The following CACNG2 variants were observed in gnomAD, a reference collection of about 807,000 sequenced individuals.
CACNG2 encodes voltage-dependent calcium channel gamma-2 subunit.
Under a neutral mutation model 25.9 loss-of-function variants are expected in CACNG2, and 3 were observed. That is an observed-to-expected ratio of 0.12 (90% CI 0.05 to 0.30). The LOEUF is 0.30. Among genes scored for constraint, CACNG2 ranks in the 10% least tolerant of loss-of-function variants. The pLI is 1.00. For missense variants in CACNG2, 341 were observed against 432.5 expected, an observed-to-expected ratio of 0.79 and a Z score of 1.88; for synonymous variants, 167 against 173.3, an observed-to-expected ratio of 0.96 and a Z score of 0.29.
chr22:36,613,738 G>A (rs568663217), intron 1 of CACNG2, among the ~76,000 whole-genome samples: 34 of 151,782 alleles, frequency 2.2e-4, no homozygotes, highest in Admixed American at 9.8e-4. Context: ...TTCTTGGTGC[G>A]CTGGCTGTCC....
chr22:36,584,568 C>T (rs1315014890), intron 2 of CACNG2: 1 of 152,262 alleles, frequency 6.6e-6, no homozygotes, highest in Admixed American at 6.5e-5. Flanking sequence ...ATTTGGTTCA[C>T]TCTTGGATCC....
chr22:36,599,943 G>A (rs1603501290), intron 1 of CACNG2, among the ~76,000 whole-genome samples: 1 of 152,332 alleles, frequency 6.6e-6, no homozygotes, highest in South Asian at 2.1e-4. Context: ...TGCAGCTGGA[G>A]GTGGTCATGT....
chr22:36,670,664 C>T (rs994617941), intron 1 of CACNG2, among the ~76,000 whole-genome samples: 2 of 150,570 alleles, frequency 1.3e-5, no homozygotes, highest in Non-Finnish European at 3.0e-5. Context: ...GACTGGATCC[C>T]TCTGTTGCCC....
At chr22:36,588,232 G>C (rs939499259) in intron 1 of CACNG2, among the ~76,000 whole-genome samples, 1 of 152,166 alleles carries the variant, frequency 6.6e-6, no homozygotes, top group African/African-American at 2.4e-5. Flanking sequence ...GCTCAGAAAG[G>C]CTGAACTATC....
intron 1 of CACNG2, among the ~76,000 whole-genome samples, chr22:36,690,630 C>T (rs1365664551): frequency 1.3e-5 from 2 of 152,144 alleles, no homozygotes; most frequent in African/African-American, 4.8e-5. Flanking sequence ...CCATTTTACA[C>T]GTGAAAAATA....
In CACNG2 at chr22:36,577,836, T is replaced by C. The variant is rs73884107; in HGVS notation, c.295+9629A>G. ...GGGGTCACAATAGTTTTAGCCGCAC[T>C]GGTTGTGATGACTTCTGGAGGGGAT... On this transcript the variant is annotated intron_variant, in intron 2 of 3. Transcript: ENST00000300105. 3.9e-3 allele frequency among the ~76,000 whole-genome samples: 596 copies of C among 152,152 alleles called. 5 individuals are homozygous for C. Among genetic ancestry groups the C allele is most frequent in the African/African-American group, 0.014 (569 of 41,510 alleles).
chr22:36,617,669 CTTAAA>C (rs1262315880), intron 1 of CACNG2, among the ~76,000 whole-genome samples: 2 of 148,652 alleles, frequency 1.3e-5, no homozygotes, highest in African/African-American at 5.0e-5. Context: ...CTTTTCCCAT[CTTAAA>C]TTCAAAAGGC....
At chr22:36,575,544 G>A (rs1010560724) in intron 2 of CACNG2, among the ~76,000 whole-genome samples, 7 of 151,982 alleles carry the variant, frequency 4.6e-5, no homozygotes, top group Admixed American at 6.6e-5. Context: ...GGGATGTGAC[G>A]ACGGGGGGAG....
At chr22:36,637,691 C>T (rs1363054726) in intron 1 of CACNG2, among the ~76,000 whole-genome samples, 5 of 152,132 alleles carry the variant, frequency 3.3e-5, no homozygotes, top group African/African-American at 9.7e-5. Flanking sequence ...CCTAAAACCA[C>T]ACAGCCATGG....
At chr22:36,571,885 A>C (rs1016607142) in intron 2 of CACNG2, among the ~76,000 whole-genome samples, 13 of 148,486 alleles carry the variant, frequency 8.8e-5, no homozygotes, top group East Asian at 7.7e-4. Flanking sequence ...TCAAAAACAA[A>C]AAAAAAAAAA....
rs188911242 is a variant in CACNG2, at chr22:36,618,529, C to A, written c.212-30981G>T. ...AAAGAATGAAATGGACACAGTCAGG[C>A]AAGAATTGATGATATTGGATGTGGC... is the stretch of plus-strand genomic sequence containing the variant. On this transcript the variant is annotated intron_variant, in intron 1 of 3. Coordinates refer to ENST00000300105, the MANE Select transcript of CACNG2 (RefSeq NM_006078.5). Among the ~76,000 whole-genome samples the A allele has an allele frequency of 2.9e-3, 439 of 152,322 alleles. 2 individuals carry two copies. The highest frequency in any genetic ancestry group is 4.5e-3 in the Non-Finnish European group (309 of 68,026).
chr22:36,642,463 T>G (rs1351893830), intron 1 of CACNG2, among the ~76,000 whole-genome samples: 1 of 152,210 alleles, frequency 6.6e-6, no homozygotes. Flanking sequence ...GGGAATTTCC[T>G]CATTAGATAC....
chr22:36,698,940 G>A (rs184380148), intron 1 of CACNG2, among the ~76,000 whole-genome samples: 4 of 152,224 alleles, frequency 2.6e-5, no homozygotes, highest in Admixed American at 6.5e-5. Context: ...GCTGTCCCTG[G>A]AGACGATGTT....
chr22:36,622,580 G>A (rs530182413), intron 1 of CACNG2, among the ~76,000 whole-genome samples: 13 of 152,306 alleles, frequency 8.5e-5, no homozygotes, highest in African/African-American at 2.9e-4. Context: ...GCAGACATTC[G>A]GCTCTGGACC....
intron 1 of CACNG2, among the ~76,000 whole-genome samples, chr22:36,614,021 T>C (rs978791679): frequency 3.5e-4 from 54 of 152,128 alleles, no homozygotes; most frequent in Non-Finnish European, 6.3e-4. Context: ...GCTTCCCTCT[T>C]CCCTACCACT....
At chr22:36,569,797 T>C (rs1460352252) in intron 2 of CACNG2, among the ~76,000 whole-genome samples, 1 of 152,114 alleles carries the variant, frequency 6.6e-6, no homozygotes, top group Non-Finnish European at 1.5e-5. Flanking sequence ...GCCTCGGCCT[T>C]CCAAAGTGCT....
intron 1 of CACNG2, among the ~76,000 whole-genome samples, chr22:36,601,763 G>A (rs768381721): frequency 4.6e-5 from 7 of 152,196 alleles, no homozygotes; most frequent in African/African-American, 9.7e-5. Flanking sequence ...GATTACAAGC[G>A]TGAGCCACTG....
At chr22:36,614,479 T>C (rs542547158) in intron 1 of CACNG2, among the ~76,000 whole-genome samples, 3 of 152,310 alleles carry the variant, frequency 2.0e-5, no homozygotes, top group African/African-American at 7.2e-5. Context: ...CTGGACTACA[T>C]TGAAAGGCCT....
chr22:36,623,575 G>C (rs1227036682), intron 1 of CACNG2, among the ~76,000 whole-genome samples: 1 of 152,124 alleles, frequency 6.6e-6, no homozygotes, highest in Non-Finnish European at 1.5e-5. Context: ...TAGTACAAGA[G>C]TGCCTGGCCA....
Sources: gnomAD v4.1 joint callset for allele counts (sites outside exome capture counted in the v4.1 genomes callset) on GRCh38, gnomAD v4.1.1 for gene constraint, MANE v1.5 for transcripts, NCBI Gene and HGNC (gene_info 2026-07-23, HGNC 2026-07-21) for gene names.